USP9X: variants seen among roughly 807,000 people sequenced by gnomAD.
USP9X encodes ubiquitin carboxyl-terminal hydrolase 9X.
In USP9X, 7 loss-of-function variants were observed where a neutral mutation model predicts 190.3. The observed-to-expected ratio is 0.04, with a 90% CI of 0.02 to 0.07. The LOEUF (loss-of-function observed/expected upper bound fraction) is 0.07. Among genes scored for constraint, USP9X ranks in the 10% least tolerant of loss-of-function variants. The pLI is 1.00. For missense variants in USP9X, 1,010 were observed against 1,916.9 expected (o/e 0.53, Z 8.83); for synonymous variants, 645 against 659.5 (o/e 0.98, Z 0.34).
At chrX:41,217,454 T>C in intron 36 of USP9X, 111 bp downstream of exon 36, 1 of 907,340 alleles carries the variant, frequency 1.1e-6, no homozygotes, top group Non-Finnish European at 1.5e-6. Flanking sequence ...GTTTGGAATA[T>C]AGAATAAAAA....
In USP9X at chrX:41,197,352, C is replaced by CCCCCCGGGGGGGGGGGGGGG; in HGVS notation, c.4234-12_4234-11insCCCCCGGGGGGGGGGGGGGG. 1 of 988,227 alleles carries CCCCCCGGGGGGGGGGGGGGG rather than the reference C, an allele frequency of 1.0e-6. No individual in the cohort carries two copies. Among genetic ancestry groups the CCCCCCGGGGGGGGGGGGGGG allele is most frequent in the Non-Finnish European group, 1.3e-6 (1 of 759,394 alleles). 81.4% of individuals were successfully genotyped at this position (988,227 alleles called of 1,213,427 possible). A position where few individuals can be genotyped will look rare whatever the true frequency, so the allele number is the denominator to read the frequency against. On this transcript the variant is annotated splice_polypyrimidine_tract_variant and intron_variant, in intron 28 of 44. Transcript: ENST00000378308. ...TTCTTCCCCCCCCCACCCCACCCCC[C>CCCCCCGGGGGGGGGGGGGGG]GCCTTTGGCAGGATGATGTTAAAAG...
At chrX:41,162,537 A>T (rs891836368) in intron 14 of USP9X, among the ~76,000 whole-genome samples, 3 of 112,402 alleles carry the variant, frequency 2.7e-5, no homozygotes, top group Non-Finnish European at 5.6e-5. Context: ...TGAAGGTTGC[A>T]CGAAGGGGTT....
chrX:41,231,890 T>TTA (rs2063363215), intron 44 of USP9X, among the ~76,000 whole-genome samples: 1 of 111,856 alleles, frequency 8.9e-6, no homozygotes, highest in African/African-American at 3.3e-5. Flanking sequence ...AGCTCTTATG[T>TTA]TAATCATGCC....
rs768579160 is a variant in USP9X at position 41,214,719 on chromosome X, G to A, written c.5331+10G>A. ...AAAATGCAATAAAAAGGTACGGGCTGTCCAGTTTTGTTTAATTTTGATTAC... is the reference window on the plus strand; with the variant it reads ...AAAATGCAATAAAAAGGTACGGGCTATCCAGTTTTGTTTAATTTTGATTAC... On this transcript the variant is annotated intron_variant, in intron 34 of 44. Coordinates refer to ENST00000378308, the MANE Select transcript of USP9X (RefSeq NM_001039591.3). 8.4e-7 allele frequency: 1 copy of A among 1,183,966 alleles called. No individual in the cohort carries two copies. Among genetic ancestry groups the A allele is most frequent in the Non-Finnish European group, 1.1e-6 (1 of 886,424 alleles).
At position 41,170,520 on chromosome X, in the gene USP9X, T is replaced by C. The variant is rs188297895; in HGVS notation, c.2928T>C (p.Pro976=). ...TQISSNMPSS[P]DSSSDSSTGS... is the part of the protein sequence containing the mutation. The stretch of plus-strand genomic sequence containing the variant: ...TAAGTTCCAATATGCCTTCAAGCCC[T>C]GATAGCTCTTCTGATTCCTCCACTG... Residue 976 remains proline (P), a synonymous_variant, in exon 20 of 45, where the codon CCT becomes CCC. Transcript: ENST00000378308. 56 of 1,209,712 alleles carry C rather than the reference T, an allele frequency of 4.6e-5. No homozygotes were observed. Among genetic ancestry groups the C allele is most frequent in the Non-Finnish European group, 6.1e-5 (55 of 894,889 alleles).
In USP9X at chrX:41,197,352, C is replaced by CCCCCGG; in HGVS notation, c.4234-12_4234-11insCCCCGG. The CCCCCGG allele has an allele frequency of 1.0e-6, 1 of 988,223 alleles. No individual in the cohort carries two copies. Among genetic ancestry groups the CCCCCGG allele is most frequent in the Non-Finnish European group, 1.3e-6 (1 of 759,390 alleles). 81.4% of individuals were successfully genotyped at this position (988,223 alleles called of 1,213,427 possible). On this transcript the variant is annotated splice_polypyrimidine_tract_variant and intron_variant, in intron 28 of 44. Coordinates refer to ENST00000378308, the MANE Select transcript of USP9X (RefSeq NM_001039591.3). ...TTCTTCCCCCCCCCACCCCACCCCC[C>CCCCCGG]GCCTTTGGCAGGATGATGTTAAAAG... is the stretch of plus-strand genomic sequence containing the variant.
At chrX:41,186,377 TGTGTAA>T (rs1259288049) in intron 23 of USP9X, 134 bp from the exon 24 acceptor site, 2 of 668,275 alleles carry the variant, frequency 3.0e-6, no homozygotes, top group African/African-American at 4.4e-5. Flanking sequence ...CAGTGCTTTT[TGTGTAA>T]GTTGCCACAG....
chrX:41,186,005 A>G (rs1044159880), intron 23 of USP9X, among the ~76,000 whole-genome samples: 3 of 111,827 alleles, frequency 2.7e-5, no homozygotes, highest in African/African-American at 9.7e-5. Context: ...CAACTACGTA[A>G]TGAAATTAAT....
At position 41,085,597 on chromosome X, in the gene USP9X, C is replaced by T. The variant is rs1388027194; in HGVS notation, c.-671C>T. ...CCCGCCTTACACAGCTCCCGGGCCT[C>T]GCGGGAGCCCGCCGCCGCCGCCTCT... On this transcript the variant is annotated 5_prime_UTR_variant, in exon 1 of 45. Coordinates refer to ENST00000378308, the MANE Select transcript of USP9X (RefSeq NM_001039591.3). 2 of 273,223 alleles carry T rather than the reference C, an allele frequency of 7.3e-6. No homozygotes were observed. The highest frequency in any genetic ancestry group is 1.3e-5 in the Non-Finnish European group (2 of 156,121). The allele number at this position is 273,223 out of a possible 1,213,427, so 22.5% of individuals were successfully genotyped here. A position where few individuals can be genotyped will look rare whatever the true frequency, so the allele number is the denominator to read the frequency against.
At chrX:41,168,322 G>T in intron 18 of USP9X, 104 bp downstream of exon 18, 1 of 696,438 alleles carries the variant, frequency 1.4e-6, no homozygotes, top group East Asian at 3.9e-5. Context: ...GAAAATTGTT[G>T]TCTTTGCCCA....
chrX:41,189,586 T>G (rs1420665161), intron 26 of USP9X, 111 bp downstream of exon 26: 1 of 721,996 alleles, frequency 1.4e-6, no homozygotes, highest in African/African-American at 2.2e-5. Flanking sequence ...CTATGGCATA[T>G]TGGTATTGAG....
intron 35 of USP9X, 87 bp from the exon 36 acceptor site, chrX:41,217,133 C>T: frequency 9.6e-7 from 1 of 1,045,034 alleles, no homozygotes; most frequent in Admixed American, 3.0e-5. Flanking sequence ...AAATTTAGGA[C>T]TTCTCAAAAT....
chrX:41,189,173 G>A lies in USP9X; in HGVS notation c.3811-136G>A, dbSNP rs755166498. ...AGACTATTCCAAAGGGGCCTCAAGA[G>A]TTAACATGCAGCCATGGAGAGGCTG... On this transcript the variant is annotated intron_variant, in intron 25 of 44. Transcript: ENST00000378308. The A allele has an allele frequency of 2.1e-4, 106 of 514,617 alleles. No homozygotes were observed. The African/African-American group carries it at 2.3e-3, about 11-fold the overall frequency. The allele number at this position is 514,617 out of a possible 1,213,427, so 42.4% of individuals were successfully genotyped here. A position where few individuals can be genotyped will look rare whatever the true frequency, so the allele number is the denominator to read the frequency against.
chrX:41,175,577 C>G (rs1042351153), intron 21 of USP9X, among the ~76,000 whole-genome samples: 6 of 110,826 alleles, frequency 5.4e-5, no homozygotes, highest in African/African-American at 1.6e-4. Flanking sequence ...CCTCTCTGCC[C>G]CAGTCCTGAA....
intron 23 of USP9X, among the ~76,000 whole-genome samples, chrX:41,185,206 T>C (rs2062862942): frequency 8.9e-6 from 1 of 112,592 alleles, no homozygotes. Context: ...ATGATTGTTT[T>C]ACTAAGTTAC....
At chrX:41,142,183 T>G (rs1402447539) in intron 9 of USP9X, among the ~76,000 whole-genome samples, 3 of 111,458 alleles carry the variant, frequency 2.7e-5, no homozygotes, top group African/African-American at 9.8e-5. Flanking sequence ...TTCATACATA[T>G]GATGTACGTA....
chrX:41,169,971 G>A (rs201112814), intron 18 of USP9X, 24 bp from the exon 19 acceptor site: 9 of 1,207,319 alleles, frequency 7.5e-6, no homozygotes, highest in South Asian at 1.8e-5. Context: ...ATATGATGAT[G>A]TCTGTCTTTC....
intron 41 of USP9X, among the ~76,000 whole-genome samples, chrX:41,228,666 T>C (rs2063335798): frequency 8.9e-6 from 1 of 112,151 alleles, no homozygotes; most frequent in African/African-American, 3.2e-5. Context: ...GTGTCCTGAA[T>C]TCACTTCAGG....
chrX:41,170,223 A>C lies in USP9X; in HGVS notation c.2865A>C (p.Leu955Phe). 3.3e-6 allele frequency: 4 copies of C among 1,210,193 alleles called. No individual in the cohort carries two copies. The highest frequency in any genetic ancestry group is 4.5e-6 in the Non-Finnish European group (4 of 894,133). ...GAAAGTTGATTGGACAATTAAACTT[A>C]AAAGATAAATCGGTATGTATGTATA... ...DDRKLIGQLNLKDKSLITAKL... is the reference protein window; with the variant it reads ...DDRKLIGQLNFKDKSLITAKL... The change falls in exon 19 of 45, where the codon TTA becomes TTC. Residue 955 changes from leucine to phenylalanine, a missense_variant. Around this residue, in one of 11 missense-constraint regions of USP9X, gnomAD observed 351 missense variants for 480.8 expected, o/e 0.73. Transcript: ENST00000378308.
Sources: gnomAD v4.1 joint callset for allele counts (sites outside exome capture counted in the v4.1 genomes callset) on GRCh38, gnomAD v4.1.1 for gene constraint, gnomAD v4.1.1 regional missense constraint, MANE v1.5 for transcripts, NCBI Gene and HGNC (gene_info 2026-07-23, HGNC 2026-07-21) for gene names.